The following CALML4 variants were observed in gnomAD, a reference collection of about 807,000 sequenced individuals.
CALML4 encodes the protein calmodulin-like protein 4.
In CALML4, 16 loss-of-function variants were observed where a neutral mutation model predicts 17.9. The observed-to-expected ratio is 0.89, with a 90% CI of 0.61 to 1.36. CALML4 has a LOEUF of 1.36. Ranked by LOEUF, CALML4 falls within the 40% of genes most tolerant of loss-of-function variation. The pLI is 0.00. For missense variants in CALML4, 203 were observed against 194.8 expected, an observed-to-expected ratio of 1.04 and a Z score of -0.25; for synonymous variants, 86 against 71.5, an observed-to-expected ratio of 1.20 and a Z score of -1.02.
chr15:68,197,697 T>TAG lies in CALML4; in HGVS notation c.176-70_176-69insCT. On this transcript the variant is annotated intron_variant, in intron 3 of 4. Transcript: ENST00000467889. The surrounding 1 kb of genome is among the most constrained non-coding windows in gnomAD (Gnocchi z 4.1). ...ACTCCTAGGAAGCCAGCTGGCCTCC[T>TAG]GCTGGACCTGCACAGCCGGTTCAAG... 2.1e-6 allele frequency: 3 copies of TAG among 1,424,742 alleles called. No individual in the cohort carries two copies. The highest frequency in any genetic ancestry group is 2.9e-6 in the Non-Finnish European group (3 of 1,029,548). The allele number at this position is 1,424,742 out of a possible 1,614,324, so 88.3% of individuals were successfully genotyped here. A position where few individuals can be genotyped will look rare whatever the true frequency, so the allele number is the denominator to read the frequency against.
At position 68,204,248 on chromosome 15, in the gene CALML4, C is replaced by A. The variant is rs1464072491; in HGVS notation, c.34+873G>T. ...CCCACTTGGCTGGGCTCTCAGGACC[C>A]TACCCTGGATCACAAGGGCCCAAGG... On this transcript the variant is annotated intron_variant, in intron 2 of 4. Coordinates refer to ENST00000467889, the MANE Select transcript of CALML4 (RefSeq NM_033429.3). The surrounding 1 kb of genome is among the most constrained non-coding windows in gnomAD (Gnocchi z 6.0). Among the ~76,000 whole-genome samples the A allele has an allele frequency of 6.6e-6, 1 of 152,214 alleles. No individual in the cohort carries two copies. Among genetic ancestry groups the A allele is most frequent in the Non-Finnish European group, 1.5e-5 (1 of 68,038 alleles).
At chr15:68,198,388 G>C (rs2093153226) in intron 3 of CALML4, 1 of 152,418 alleles carries the variant, frequency 6.6e-6, no homozygotes, top group Non-Finnish European at 1.5e-5. Context: ...AGATGGTGGT[G>C]ACCCCCCTGA....
intron 4 of CALML4, 61 bp from the exon 5 acceptor site, chr15:68,194,173 G>A: frequency 7.4e-7 from 1 of 1,358,780 alleles, no homozygotes; most frequent in South Asian, 1.2e-5. Flanking sequence ...AAAACAGTGA[G>A]TTTTTTGGGG....
At chr15:68,202,554 G>A (rs1411539255) in intron 2 of CALML4, among the ~76,000 whole-genome samples, 2 of 152,074 alleles carry the variant, frequency 1.3e-5, no homozygotes, top group African/African-American at 4.8e-5. Flanking sequence ...TGAAATGAGC[G>A]GAGATCATGC....
Position 68,204,880 on chromosome 15 carries a change from TTC to T in CALML4, c.34+239_34+240del, listed in dbSNP as rs1291042699. ...AGGTTCTGGAGGGAAACCTAGTAAGTTCTGTCTTAGCGCCCTGGCTTGTAAGT... is the reference window on the plus strand; with the variant it reads ...AGGTTCTGGAGGGAAACCTAGTAAGTTGTCTTAGCGCCCTGGCTTGTAAGT... On this transcript the variant is annotated intron_variant, in intron 2 of 4. Coordinates refer to ENST00000467889, the MANE Select transcript of CALML4 (RefSeq NM_033429.3). This position sits in a 1 kb window ranked among gnomAD's most constrained non-coding sequence, Gnocchi z 6.0. Among the ~76,000 whole-genome samples the T allele has an allele frequency of 2.6e-5, 4 of 152,088 alleles. No homozygotes were observed. Among genetic ancestry groups the T allele is most frequent in the Admixed American group, 6.5e-5 (1 of 15,270 alleles).
In CALML4 at chr15:68,200,636, C is replaced by T. The variant is rs551587718; in HGVS notation, c.35-955G>A. On this transcript the variant is annotated intron_variant, in intron 2 of 4. Transcript: ENST00000467889. This position sits in a 1 kb window ranked among gnomAD's most constrained non-coding sequence, Gnocchi z 4.3. ...CAGGGAGATTCTCGTCCAGCCCAGA[C>T]GAGGCACCCGGGCCTGTGGGTGGAG... 3.9e-5 allele frequency among the ~76,000 whole-genome samples: 6 copies of T among 152,248 alleles called. No homozygotes were observed. The South Asian group carries it at 8.3e-4, about 21-fold the overall frequency.
At chr15:68,194,680 G>A (rs868047133) in intron 4 of CALML4, among the ~76,000 whole-genome samples, 1 of 152,026 alleles carries the variant, frequency 6.6e-6, no homozygotes, top group African/African-American at 2.4e-5. Flanking sequence ...CACTGTGCCC[G>A]GCCCACCCTG....
Position 68,199,620 on chromosome 15 carries a change from G to T in CALML4, c.96C>A (p.Asp32Glu). The T allele has an allele frequency of 6.2e-7, 1 of 1,613,618 alleles. No homozygotes were observed. Among genetic ancestry groups the T allele is most frequent in the East Asian group, 2.2e-5 (1 of 44,776 alleles). Residue 32 changes from aspartate (D) to glutamate (E), a missense_variant, in exon 3 of 5, where the codon GAC becomes GAA. Transcript: ENST00000467889. ...CCAGGCACCTCATGGCCACCATGAGGTCGGTGGCTTTTATCTTCCCCCTCT... is the reference window on the plus strand; with the variant it reads ...CCAGGCACCTCATGGCCACCATGAGTTCGGTGGCTTTTATCTTCCCCCTCT... ...KQQRGKIKAT[D>E]LMVAMRCLGA...
At chr15:68,203,543 A>C (rs73425824) in intron 2 of CALML4, among the ~76,000 whole-genome samples, 10,354 of 152,290 alleles carry the variant, frequency 0.068, 969 homozygotes, top group African/African-American at 0.21. Context: ...TTATTTAATA[A>C]TGGCTGGCTT....
chr15:68,201,859 C>T (rs975612737), intron 2 of CALML4, among the ~76,000 whole-genome samples: 1 of 152,204 alleles, frequency 6.6e-6, no homozygotes, highest in African/African-American at 2.4e-5. Context: ...CCCCTTCCTC[C>T]ACCATCTCTT....
At chr15:68,194,141 T>C in intron 4 of CALML4, 29 bp from the exon 5 acceptor site, 1 of 1,586,358 alleles carries the variant, frequency 6.3e-7, no homozygotes. Context: ...AATTTTTCAG[T>C]TTGGCTTTAG....
At position 68,193,875 on chromosome 15, in the gene CALML4, A is replaced by G. The variant is rs374954856; in HGVS notation, c.*140T>C. ...GCTGAAATCATCTATTATTGTTGCT[A>G]GTTAGCCTCTCTTCTATAGTTGGGT... On this transcript the variant is annotated 3_prime_UTR_variant, in exon 5 of 5. Transcript: ENST00000467889. The G allele has an allele frequency of 2.4e-5, 15 of 616,746 alleles. No homozygotes were observed. Among genetic ancestry groups the G allele is most frequent in the East Asian group, 8.2e-5 (3 of 36,438 alleles). 38.2% of individuals were successfully genotyped at this position (616,746 alleles called of 1,614,324 possible).
intron 4 of CALML4, 61 bp from the exon 5 acceptor site, chr15:68,194,173 G>GT (rs1311056877): frequency 1.5e-5 from 21 of 1,358,656 alleles, no homozygotes; most frequent in Admixed American, 8.5e-5. Flanking sequence ...AAAACAGTGA[G>GT]TTTTTTGGGG....
chr15:68,205,266 A>AC lies in CALML4; in HGVS notation c.-20dup. The AC allele has an allele frequency of 6.2e-7, 1 of 1,614,026 alleles. No homozygotes were observed. Among genetic ancestry groups the AC allele is most frequent in the Non-Finnish European group, 8.5e-7 (1 of 1,180,018 alleles). On this transcript the variant is annotated 5_prime_UTR_variant, in exon 1 of 5. Transcript: ENST00000467889. The surrounding 1 kb of genome is among the most constrained non-coding windows in gnomAD (Gnocchi z 4.8). ...TCACCATTCTGGGGCCTCGGCTGCT[A>AC]CCCGTGGGCTTGCTGCTCCCAGAAC...
At position 68,197,674 on chromosome 15, in the gene CALML4, T is replaced by G. The variant is rs2093150674; in HGVS notation, c.176-46A>C. 6.3e-7 allele frequency: 1 copy of G among 1,578,994 alleles called. No homozygotes were observed. Among genetic ancestry groups the G allele is most frequent in the Non-Finnish European group, 8.6e-7 (1 of 1,158,200 alleles). ...GCAGAGTGAGCAGAGGGAAAAAGAC[T>G]CCTAGGAAGCCAGCTGGCCTCCTGC... On this transcript the variant is annotated intron_variant, in intron 3 of 4. Coordinates refer to ENST00000467889, the MANE Select transcript of CALML4 (RefSeq NM_033429.3). The surrounding 1 kb of genome is among the most constrained non-coding windows in gnomAD (Gnocchi z 4.1).
chr15:68,205,654 C>T (rs2093181198), upstream of CALML4: 1 of 435,958 alleles, frequency 2.3e-6, no homozygotes, highest in Admixed American at 3.4e-5. This position sits in a 1 kb window ranked among gnomAD's most constrained non-coding sequence, Gnocchi z 4.8. Flanking sequence ...CACCCCGGGT[C>T]GTATTGAAGG....
At chr15:68,203,067 G>A (rs138357810) in intron 2 of CALML4, among the ~76,000 whole-genome samples, 1,772 of 151,068 alleles carry the variant, frequency 0.012, 21 homozygotes, top group Admixed American at 0.038. Flanking sequence ...TGCCTCCCTC[G>A]GTCTCTCAAA....
intron 4 of CALML4, 66 bp from the exon 5 acceptor site, chr15:68,194,178 T>C (rs2093132822): frequency 4.6e-6 from 6 of 1,314,456 alleles, no homozygotes; most frequent in African/African-American, 1.5e-5. Context: ...AGTGAGTTTT[T>C]TGGGGACTGG....
intron 4 of CALML4, 85 bp from the exon 5 acceptor site, chr15:68,194,197 T>A: frequency 1.0e-6 from 1 of 994,222 alleles, no homozygotes; most frequent in Non-Finnish European, 1.6e-6. Context: ...GGAGCTCCCC[T>A]AAGGTCTTCC....
Sources: allele counts gnomAD v4.1 joint callset (sites outside exome capture counted in the v4.1 genomes callset), GRCh38; gene constraint gnomAD v4.1.1; non-coding constraint Gnocchi (gnomAD v3.1); transcripts MANE v1.5; gene names NCBI Gene and HGNC (gene_info 2026-07-23, HGNC 2026-07-21).